The following LCT variants were observed in gnomAD, a reference collection of about 807,000 sequenced individuals.
The protein encoded by LCT is lactase/phlorizin hydrolase.
In LCT, 90 loss-of-function variants were observed where a neutral mutation model predicts 173.0. The observed-to-expected ratio is 0.52, with a 90% CI of 0.44 to 0.62. The LOEUF (loss-of-function observed/expected upper bound fraction) is 0.62, where lower values mean the gene tolerates loss of function less well. Among genes scored for constraint, LCT ranks in the 20% least tolerant of loss-of-function variants. The pLI, the probability that LCT is intolerant of heterozygous loss-of-function variation, is 0.00. For synonymous variants in LCT, 853 were observed against 957.6 expected (o/e 0.89, Z 2.02); for missense variants, 1,864 against 2,431.4 (o/e 0.77, Z 4.91).
intron 12 of LCT, among the ~76,000 whole-genome samples, chr2:135,798,668 C>T (rs1281350087): frequency 6.6e-6 from 1 of 152,230 alleles, no homozygotes; most frequent in Non-Finnish European, 1.5e-5. Context: ...GACCTATTTT[C>T]TCTAATGAGG....
rs1422256545 is a variant in LCT, at chr2:135,803,797, G to T, written c.4663+133C>A. ...CAATGCCAGGAGGGAAACCTCTACA[G>T]CCCTGAGCAAGAGGCAGGGTTTCTG... On this transcript the variant is annotated intron_variant, in intron 11 of 16. Coordinates refer to ENST00000264162, the MANE Select transcript of LCT (RefSeq NM_002299.4). The T allele has an allele frequency of 9.0e-6, 7 of 777,106 alleles. No homozygotes were observed. In the East Asian group the frequency reaches 1.6e-4, roughly 18 times the overall value. 48.1% of individuals were successfully genotyped at this position (777,106 alleles called of 1,614,324 possible).
chr2:135,813,158 AATG>A (rs539526885), intron 6 of LCT, among the ~76,000 whole-genome samples: 27 of 152,336 alleles, frequency 1.8e-4, no homozygotes, highest in Non-Finnish European at 3.7e-4. Flanking sequence ...CACTAACATC[AATG>A]ATGTTAACAA....
intron 3 of LCT, among the ~76,000 whole-genome samples, chr2:135,825,750 G>A (rs1458790034): frequency 1.3e-5 from 2 of 152,232 alleles, no homozygotes; most frequent in African/African-American, 2.4e-5. Flanking sequence ...AGAGAGGGCT[G>A]TGCAGGTGCT....
intron 4 of LCT, chr2:135,822,514 G>A: frequency 3.0e-5 from 6 of 201,628 alleles, no homozygotes; most frequent in East Asian, 2.6e-4. Context: ...AGAAAGGGGT[G>A]GAATATTTTT....
chr2:135,813,938 T>C (rs1206789678), intron 6 of LCT, among the ~76,000 whole-genome samples: 1 of 152,200 alleles, frequency 6.6e-6, no homozygotes, highest in Non-Finnish European at 1.5e-5. Flanking sequence ...GTGTCTGAAA[T>C]ATAACAAGCC....
rs758050917 is a variant in LCT at position 135,808,968 on chromosome 2, G to C, written c.3379C>G (p.His1127Asp). Residue 1127 changes from histidine (H) to aspartate (D), a missense_variant, in exon 8 of 17, where the codon CAC becomes GAC. This residue lies in a region of LCT where 755 missense variants were observed against 926.3 expected (regional missense o/e 0.82). Coordinates refer to ENST00000264162, the MANE Select transcript of LCT (RefSeq NM_002299.4). ...KGVISLSLSTHWAEPKSPGVP... is the reference protein window; with the variant it reads ...KGVISLSLSTDWAEPKSPGVP... ...CCTGGTGACTTGGGCTCTGCCCAGT[G>C]TGTACTGAGGCTCAGCGAGATGACC... 2 of 1,613,124 alleles carry C rather than the reference G, an allele frequency of 1.2e-6. No homozygotes were observed. Among genetic ancestry groups the C allele is most frequent in the Non-Finnish European group, 1.7e-6 (2 of 1,179,252 alleles).
chr2:135,808,140 ATTC>A (rs1162449252), intron 8 of LCT, among the ~76,000 whole-genome samples: 1 of 152,170 alleles, frequency 6.6e-6, no homozygotes, highest in Non-Finnish European at 1.5e-5. Context: ...TCATTGCTGT[ATTC>A]CCAGCACCTA....
At chr2:135,793,795 G>A (rs899462852) in intron 14 of LCT, among the ~76,000 whole-genome samples, 7 of 152,076 alleles carry the variant, frequency 4.6e-5, no homozygotes, top group African/African-American at 1.7e-4. Flanking sequence ...TCGGCTGGGC[G>A]CAGTGGCTCA....
At chr2:135,834,646 G>T (rs1305127977) in intron 1 of LCT, among the ~76,000 whole-genome samples, 1 of 150,994 alleles carries the variant, frequency 6.6e-6, no homozygotes, top group Non-Finnish European at 1.5e-5. Flanking sequence ...AAATTAGCCA[G>T]ATGTGGTGGT....
At chr2:135,829,720 T>A (rs2077918369) in intron 2 of LCT, 44 bp from the exon 3 acceptor site, 1 of 1,301,716 alleles carries the variant, frequency 7.7e-7, no homozygotes, top group African/African-American at 1.5e-5. Flanking sequence ...CTAAGCACTG[T>A]CAAGACTAAC....
At chr2:135,813,049 T>G in intron 6 of LCT, 93 bp from the exon 7 acceptor site, 1 of 1,095,480 alleles carries the variant, frequency 9.1e-7, no homozygotes, top group Admixed American at 2.0e-5. Flanking sequence ...AACAACAATG[T>G]CAACAAGTCA....
intron 3 of LCT, among the ~76,000 whole-genome samples, chr2:135,827,162 A>G (rs2077895482): frequency 1.3e-5 from 2 of 152,138 alleles, no homozygotes; most frequent in Non-Finnish European, 1.5e-5. Flanking sequence ...TATTTTTAGT[A>G]GAGACGGGGT....
intron 11 of LCT, 30 bp from the exon 12 acceptor site, chr2:135,800,839 G>T: frequency 1.3e-6 from 2 of 1,500,830 alleles, no homozygotes; most frequent in Non-Finnish European, 1.9e-6. Flanking sequence ...TGTCAACAGA[G>T]AATGGATAGA....
intron 12 of LCT, 70 bp downstream of exon 12, chr2:135,800,537 A>T (rs2077616715): frequency 7.7e-7 from 1 of 1,301,324 alleles, no homozygotes; most frequent in South Asian, 1.2e-5. Context: ...TTTGATTCAC[A>T]ATCTGTTTCC....
In LCT at chr2:135,812,500, A is replaced by T. The variant is rs748558693; in HGVS notation, c.2164T>A (p.Ser722Thr). Residue 722 changes from serine (S) to threonine (T), a missense_variant, in exon 7 of 17, where the codon TCC (serine) becomes ACC (threonine). Coordinates refer to ENST00000264162, the MANE Select transcript of LCT (RefSeq NM_002299.4). ...CAGGGCACCACACGAATCCAAGAGG[A>T]TGAGGTCTGGGGCCACACATGGTTC... Reference protein sequence around the residue: ...HVNHVWPQTSSSWIRVVPWGI... With the variant: ...HVNHVWPQTSTSWIRVVPWGI... 1 of 1,614,224 alleles carries T rather than the reference A, an allele frequency of 6.2e-7. No homozygotes were observed. Among genetic ancestry groups the T allele is most frequent in the South Asian group, 1.1e-5 (1 of 91,086 alleles).
At chr2:135,818,710 G>T (rs2077802315) in intron 5 of LCT, among the ~76,000 whole-genome samples, 1 of 152,178 alleles carries the variant, frequency 6.6e-6, no homozygotes, top group Non-Finnish European at 1.5e-5. Flanking sequence ...GGTGGTGGGG[G>T]CCTGTAATCC....
chr2:135,830,529 T>C (rs1357763105), intron 2 of LCT, among the ~76,000 whole-genome samples: 1 of 152,228 alleles, frequency 6.6e-6, no homozygotes, highest in African/African-American at 2.4e-5. Flanking sequence ...CAGAACCAAG[T>C]GCTCTGTGAA....
chr2:135,824,348 C>T (rs1017878730), intron 3 of LCT, among the ~76,000 whole-genome samples: 1 of 152,152 alleles, frequency 6.6e-6, no homozygotes, highest in Non-Finnish European at 1.5e-5. Context: ...AAGAGGCCAC[C>T]ATCTATGGAT....
rs1220728054 is a variant in LCT at position 135,809,465 on chromosome 2, G to T, written c.2882C>A (p.Ala961Asp). Residue 961 changes from alanine (A) to aspartate (D), a missense_variant, in exon 8 of 17, where the codon GCC becomes GAC. By Grantham distance (126) the Ala-to-Asp change is moderately radical. Around this residue, in one of 4 missense-constraint regions of LCT, gnomAD observed 755 missense variants for 926.3 expected, o/e 0.82. Coordinates refer to ENST00000264162, the MANE Select transcript of LCT (RefSeq NM_002299.4). The surrounding 1 kb of genome is among the most constrained non-coding windows in gnomAD (Gnocchi z 5.5). ...CAAAGCTCGGAGCATATTCAGATCG[G>T]CATCCAGCTGGTGATAGCTGTCACA... ...IACDSYHQLD[A>D]DLNMLRALKV... The T allele has an allele frequency of 1.2e-6, 2 of 1,614,222 alleles. No homozygotes were observed. Among genetic ancestry groups the T allele is most frequent in the African/African-American group, 1.3e-5 (1 of 75,066 alleles).
Sources: allele counts gnomAD v4.1 joint callset (sites outside exome capture counted in the v4.1 genomes callset), GRCh38; gene constraint gnomAD v4.1.1; regional missense constraint gnomAD v4.1.1; non-coding constraint Gnocchi (gnomAD v3.1); transcripts MANE v1.5; gene names NCBI Gene and HGNC (gene_info 2026-07-23, HGNC 2026-07-21).